Variants in VEZT observed in about 807,000 individuals in gnomAD.
VEZT encodes the protein vezatin.
A neutral mutation model predicts 79.9 loss-of-function variants in VEZT; 39 were observed. That is an observed-to-expected ratio of 0.49 (90% CI 0.38 to 0.64). The LOEUF (loss-of-function observed/expected upper bound fraction) is 0.64, where lower values mean the gene tolerates loss of function less well. Ranked by LOEUF, VEZT falls within the 30% of genes least tolerant of loss-of-function variation. The pLI is 0.00. For synonymous variants in VEZT, 325 were observed against 327.6 expected, an observed-to-expected ratio of 0.99 and a Z score of 0.09; for missense variants, 837 against 893.1, an observed-to-expected ratio of 0.94 and a Z score of 0.80.
Position 95,217,841 on chromosome 12 carries a change from G to A in VEZT, c.-10G>A. 1.3e-6 allele frequency: 2 copies of A among 1,542,454 alleles called. No homozygotes were observed. The highest frequency in any genetic ancestry group is 1.2e-5 in the South Asian group (1 of 82,490). ...CCATCGTGCTGAGGCGGGTGGCATG[G>A]CGGAGAAGGATGACACCGGAGTTTG... On this transcript the variant is annotated 5_prime_UTR_variant, in exon 1 of 12. Transcript: ENST00000436874.
At position 95,272,235 on chromosome 12, in the gene VEZT, G is replaced by GA. The variant is rs375048258; in HGVS notation, c.848+2057dup. 3.3e-4 allele frequency among the ~76,000 whole-genome samples: 15 copies of GA among 45,806 alleles called. 1 individual carries two copies. Among genetic ancestry groups the GA allele is most frequent in the Admixed American group, 9.7e-4 (5 of 5,142 alleles). The allele number at this position is 45,806 out of a possible 152,430, so 30.1% of individuals were successfully genotyped here. On this transcript the variant is annotated intron_variant, in intron 6 of 11. Coordinates refer to ENST00000436874, the MANE Select transcript of VEZT (RefSeq NM_017599.4). The stretch of plus-strand genomic sequence containing the variant: ...TTCAGATAAAATAGTTACTATGAAG[G>GA]AAAAAAAAAACGGGAATAGGATAGA...
At chr12:95,244,778 G>GC (rs112311334) in intron 1 of VEZT, among the ~76,000 whole-genome samples, 1 of 140,914 alleles carries the variant, frequency 7.1e-6, no homozygotes, top group Non-Finnish European at 1.6e-5. Flanking sequence ...TTTTTGGTGT[G>GC]TTTTTTTTTT....
At position 95,252,048 on chromosome 12, in the gene VEZT, C is replaced by A; in HGVS notation, c.145C>A (p.Pro49Thr). ...EKCTTEGQQK[P>T]PTRVLPKQGI... ...ATGCACAACAGAGGGACAACAAAAG[C>A]CTCCTACAAGAGTCCTACCAAAAGT... The change falls in exon 2 of 12, where the codon CCT (proline) becomes ACT (threonine). Residue 49 changes from proline to threonine, a missense_variant. Transcript: ENST00000436874. The A allele has an allele frequency of 6.2e-7, 1 of 1,610,710 alleles. No individual in the cohort carries two copies. The highest frequency in any genetic ancestry group is 8.5e-7 in the Non-Finnish European group (1 of 1,178,758).
chr12:95,289,089 A>AAATAAAT (rs1555292133), intron 9 of VEZT, among the ~76,000 whole-genome samples: 1,438 of 101,622 alleles, frequency 0.014, 25 homozygotes, highest in African/African-American at 0.035. Flanking sequence ...CTCAAAAAAA[A>AAATAAAT]AAATAAATAA....
At chr12:95,289,309 C>T (rs1467966755) in intron 9 of VEZT, among the ~76,000 whole-genome samples, 6 of 142,876 alleles carry the variant, frequency 4.2e-5, no homozygotes, top group Admixed American at 7.3e-5. Context: ...CACAGCTACT[C>T]GGGAGGCTGA....
chr12:95,285,010 C>T (rs939178080), intron 8 of VEZT, among the ~76,000 whole-genome samples: 4 of 146,412 alleles, frequency 2.7e-5, no homozygotes, highest in East Asian at 2.0e-4. Flanking sequence ...GGTGTGAACC[C>T]GGCAGGTGGA....
chr12:95,243,146 G>A (rs758719818), intron 1 of VEZT, among the ~76,000 whole-genome samples: 3 of 151,920 alleles, frequency 2.0e-5, no homozygotes, highest in Non-Finnish European at 2.9e-5. Context: ...GTTTGAGGTG[G>A]GCAGATCACT....
chr12:95,232,406 A>T (rs1381539678), intron 1 of VEZT, among the ~76,000 whole-genome samples: 1 of 152,252 alleles, frequency 6.6e-6, no homozygotes, highest in Non-Finnish European at 1.5e-5. Flanking sequence ...AGGAAAAGTT[A>T]CGTATAACTT....
At chr12:95,248,242 G>T (rs902829153) in intron 1 of VEZT, among the ~76,000 whole-genome samples, 2 of 152,178 alleles carry the variant, frequency 1.3e-5, no homozygotes, top group Non-Finnish European at 2.9e-5. Context: ...AATTGTATTT[G>T]CAGAAAAAGC....
At chr12:95,296,528 G>T in intron 11 of VEZT, 1 of 242,944 alleles carries the variant, frequency 4.1e-6, no homozygotes, top group South Asian at 1.4e-4. Flanking sequence ...GAATAATTTG[G>T]GATATTTTAA....
At chr12:95,293,645 T>G (rs1456699022) in intron 9 of VEZT, 1 of 152,414 alleles carries the variant, frequency 6.6e-6, no homozygotes, top group Non-Finnish European at 1.5e-5. Flanking sequence ...GTCTTAAGAC[T>G]GTTCCTATGC....
chr12:95,300,712 T>C lies in VEZT; in HGVS notation c.*39T>C. 6.6e-7 allele frequency: 1 copy of C among 1,507,954 alleles called. No individual in the cohort carries two copies. The highest frequency in any genetic ancestry group is 8.8e-7 in the Non-Finnish European group (1 of 1,133,226). The allele number at this position is 1,507,954 out of a possible 1,614,324, so 93.4% of individuals were successfully genotyped here. A position where few individuals can be genotyped will look rare whatever the true frequency, so the allele number is the denominator to read the frequency against. On this transcript the variant is annotated 3_prime_UTR_variant, in exon 12 of 12. Coordinates refer to ENST00000436874, the MANE Select transcript of VEZT (RefSeq NM_017599.4). ...TATGAAGTGATATTAGATTGTTCCTTTTACAAAAGTGTTTAGCTTCAAGAC... is the reference window on the plus strand; with the variant it reads ...TATGAAGTGATATTAGATTGTTCCTCTTACAAAAGTGTTTAGCTTCAAGAC...
intron 1 of VEZT, among the ~76,000 whole-genome samples, chr12:95,222,169 C>G (rs551965759): frequency 6.6e-6 from 1 of 152,196 alleles, no homozygotes; most frequent in Non-Finnish European, 1.5e-5. Flanking sequence ...TGAACAGAAG[C>G]TCCTTATTAT....
At chr12:95,223,507 A>G (rs2057933875) in intron 1 of VEZT, among the ~76,000 whole-genome samples, 1 of 152,120 alleles carries the variant, frequency 6.6e-6, no homozygotes, top group Non-Finnish European at 1.5e-5. Context: ...CTGGAGTGCA[A>G]TGGCAGGATC....
chr12:95,300,458 A>C lies in VEZT; in HGVS notation c.2125A>C (p.Thr709Pro). The change falls in exon 12 of 12, where the codon ACT becomes CCT. Residue 709 changes from threonine (T) to proline (P), a missense_variant. Coordinates refer to ENST00000436874, the MANE Select transcript of VEZT (RefSeq NM_017599.4). ...ACAAGCAGATGGAAGTGGTCTGACC[A>C]CTGCCCCTCCAACTCCCAGGGACTC... ...EPQADGSGLT[T>P]APPTPRDSLQ... is the part of the protein sequence containing the mutation. 1.9e-6 allele frequency: 3 copies of C among 1,613,964 alleles called. No homozygotes were observed. Among genetic ancestry groups the C allele is most frequent in the Non-Finnish European group, 2.5e-6 (3 of 1,179,868 alleles).
intron 1 of VEZT, among the ~76,000 whole-genome samples, chr12:95,220,745 A>C (rs577247459): frequency 6.6e-6 from 1 of 152,110 alleles, no homozygotes. Context: ...GATCATTTTT[A>C]AATTCATTCT....
At chr12:95,242,599 C>T (rs956280643) in intron 1 of VEZT, among the ~76,000 whole-genome samples, 6 of 152,062 alleles carry the variant, frequency 3.9e-5, no homozygotes, top group African/African-American at 1.2e-4. Flanking sequence ...ATGGGCCGGG[C>T]GTGGTGGCTC....
intron 1 of VEZT, among the ~76,000 whole-genome samples, chr12:95,223,308 T>TA (rs1287767839): frequency 6.6e-6 from 1 of 152,254 alleles, no homozygotes; most frequent in Non-Finnish European, 1.5e-5. Flanking sequence ...AATTGCTTTT[T>TA]ATCTAGGTTT....
At chr12:95,218,811 C>T (rs1266211334) in intron 1 of VEZT, among the ~76,000 whole-genome samples, 1 of 152,208 alleles carries the variant, frequency 6.6e-6, no homozygotes, top group Non-Finnish European at 1.5e-5. Context: ...AGGCTACACC[C>T]AGTACGCGAT....
Sources: gnomAD v4.1 joint callset for allele counts (sites outside exome capture counted in the v4.1 genomes callset) on GRCh38, gnomAD v4.1.1 for gene constraint, MANE v1.5 for transcripts, NCBI Gene and HGNC (gene_info 2026-07-23, HGNC 2026-07-21) for gene names.